TENM1: variants seen among roughly 807,000 people sequenced by gnomAD.
The protein encoded by TENM1 is teneurin transmembrane protein 1.
Under a neutral mutation model 174.8 loss-of-function variants are expected in TENM1, and 35 were observed. The observed-to-expected ratio is 0.20, with a 90% CI of 0.15 to 0.27. The LOEUF is 0.27. Ranked by LOEUF, TENM1 falls within the 10% of genes least tolerant of loss-of-function variation. The pLI is 1.00. For missense variants in TENM1, 1,633 were observed against 2,130.1 expected, an observed-to-expected ratio of 0.77 and a Z score of 4.59; for synonymous variants, 781 against 798.7, an observed-to-expected ratio of 0.98 and a Z score of 0.37.
chrX:124,448,978 T>A (rs1269264392), intron 23 of TENM1, among the ~76,000 whole-genome samples: 1 of 111,494 alleles, frequency 9.0e-6, no homozygotes, highest in Non-Finnish European at 1.9e-5. Flanking sequence ...GGTGATAATC[T>A]GGACACTAAT....
intron 3 of TENM1, among the ~76,000 whole-genome samples, chrX:124,757,476 C>A (rs2054290184): frequency 8.9e-6 from 1 of 112,714 alleles, no homozygotes; most frequent in African/African-American, 3.2e-5. Context: ...CGTGCTTCGG[C>A]TCGCACACGG....
intron 3 of TENM1, among the ~76,000 whole-genome samples, chrX:124,762,915 C>G (rs1173955404): frequency 2.7e-5 from 3 of 111,140 alleles, no homozygotes; most frequent in African/African-American, 9.8e-5. Flanking sequence ...ATGCTGTAGT[C>G]TTTACTGTGT....
chrX:125,160,607 A>G, the TENM1 span, among the ~76,000 whole-genome samples: 1 of 106,499 alleles, frequency 9.4e-6, no homozygotes, highest in African/African-American at 3.4e-5. Context: ...AATTGGGTAC[A>G]ATAGCCCACA....
intron 5 of TENM1, among the ~76,000 whole-genome samples, chrX:124,685,987 T>C (rs773460606): frequency 8.9e-6 from 1 of 112,167 alleles, no homozygotes; most frequent in Admixed American, 9.5e-5. Context: ...AAAATCCAGA[T>C]GCAAGAAGCC....
At chrX:124,750,518 A>T (rs2054037830) in intron 3 of TENM1, among the ~76,000 whole-genome samples, 1 of 111,736 alleles carries the variant, frequency 8.9e-6, no homozygotes, top group African/African-American at 3.2e-5. Context: ...AGTCTCTCTT[A>T]TTTTACATTC....
the TENM1 span, among the ~76,000 whole-genome samples, chrX:124,997,767 G>A: frequency 0.012 from 1,280 of 110,607 alleles, 18 homozygotes; most frequent in African/African-American, 0.04. Context: ...AGGAGACACA[G>A]AGGAGACCTG....
rs1468223378 is a variant in TENM1, at chrX:124,465,715, C to CT, written c.3950-12225dup. 8.3e-5 allele frequency among the ~76,000 whole-genome samples: 9 copies of CT among 109,059 alleles called. No individual in the cohort carries two copies. The South Asian group carries it at 1.6e-3, about 19-fold the overall frequency. The allele number at this position is 109,059 out of a possible 115,157, so 94.7% of individuals were successfully genotyped here. A position where few individuals can be genotyped will look rare whatever the true frequency, so the allele number is the denominator to read the frequency against. On this transcript the variant is annotated intron_variant, in intron 22 of 31. Coordinates refer to ENST00000422452, the Ensembl canonical transcript of TENM1. Reference sequence around the variant, plus strand: ...CTTCTTCCCTGTTCTCATTTTCCCCCTTTTTTTTTCTCTCCAAACCCCAAC... The same window carrying CT: ...CTTCTTCCCTGTTCTCATTTTCCCCCTTTTTTTTTTCTCTCCAAACCCCAAC...
intron 1 of TENM1, among the ~76,000 whole-genome samples, chrX:124,929,773 C>G (rs2058143164): frequency 2.7e-5 from 3 of 111,866 alleles, no homozygotes; most frequent in African/African-American, 9.8e-5. Context: ...CTATGGATTA[C>G]AAATTTGTGG....
chrX:124,941,650 CA>C lies in TENM1; in HGVS notation c.217+21886del, dbSNP rs779586038. Among the ~76,000 whole-genome samples, 11 of 111,573 alleles carry C rather than the reference CA, an allele frequency of 9.9e-5. No homozygotes were observed. In the Admixed American group the frequency reaches 1.0e-3, roughly 11 times the overall value. On this transcript the variant is annotated intron_variant, in intron 1 of 31. Coordinates refer to ENST00000422452, the Ensembl canonical transcript of TENM1. ...AACTACAGCCCTGTGAAGTCACGTT[CA>C]AAAGAGAATCATTATTTTTCCCCCT... is the stretch of plus-strand genomic sequence containing the variant.
chrX:125,188,784 G>A, the TENM1 span, among the ~76,000 whole-genome samples: 3 of 111,958 alleles, frequency 2.7e-5, no homozygotes, highest in Non-Finnish European at 5.6e-5. Context: ...TGGTGCTCTT[G>A]ATTAGTTGCA....
exon 32 of TENM1, chrX:124,380,778 C>G: frequency 8.3e-7 from 1 of 1,211,717 alleles, no homozygotes; most frequent in Non-Finnish European, 1.1e-6. Context: ...ATCTCCAACA[C>G]GTGATTCTTT....
chrX:124,824,951 T>C (rs1273067959), intron 3 of TENM1, among the ~76,000 whole-genome samples: 1 of 110,732 alleles, frequency 9.0e-6, no homozygotes, highest in Non-Finnish European at 1.9e-5. Context: ...AAATCTTGCC[T>C]TACCAAAAAT....
intron 11 of TENM1, among the ~76,000 whole-genome samples, chrX:124,635,306 A>G (rs1014639915): frequency 1.8e-5 from 2 of 112,356 alleles, no homozygotes; most frequent in Admixed American, 9.4e-5. Context: ...TTTCTGATGG[A>G]CAAGGTGGAC....
At chrX:124,391,419 C>T (rs2060280453) in intron 28 of TENM1, among the ~76,000 whole-genome samples, 1 of 111,356 alleles carries the variant, frequency 9.0e-6, no homozygotes, top group Admixed American at 9.6e-5. Flanking sequence ...CCATTTTGCT[C>T]TGTAGGGGCT....
rs750028215 is a variant in TENM1 at position 124,529,048 on chromosome X, G to A, written c.2771+816C>T. Among the ~76,000 whole-genome samples, 7 of 111,164 alleles carry A rather than the reference G, an allele frequency of 6.3e-5. No homozygotes were observed. The East Asian group carries it at 8.4e-4, about 13-fold the overall frequency. The stretch of plus-strand genomic sequence containing the variant: ...GTGTGATAAAGCTCGAAGCCAACAG[G>A]TCTTTTTTTGCGTATGATTATTGAA... On this transcript the variant is annotated intron_variant, in intron 16 of 31. Transcript: ENST00000422452.
the TENM1 span, among the ~76,000 whole-genome samples, chrX:125,149,937 T>A: frequency 9.0e-6 from 1 of 111,653 alleles, no homozygotes; most frequent in African/African-American, 3.3e-5. Flanking sequence ...ACGTTCTAAT[T>A]TTGGAGCCTA....
the TENM1 span, among the ~76,000 whole-genome samples, chrX:125,093,741 T>C: frequency 4.5e-5 from 5 of 112,001 alleles, no homozygotes; most frequent in African/African-American, 1.6e-4. Flanking sequence ...TCCCAGTTCT[T>C]TTTTTATTGT....
chrX:125,127,613 C>T, the TENM1 span, among the ~76,000 whole-genome samples: 1 of 111,225 alleles, frequency 9.0e-6, no homozygotes, highest in Non-Finnish European at 1.9e-5. Flanking sequence ...CAACATGGTA[C>T]ATTGGAGAGG....
At chrX:125,021,291 TC>T in the TENM1 span, among the ~76,000 whole-genome samples, 6 of 109,548 alleles carry the variant, frequency 5.5e-5, no homozygotes, top group African/African-American at 2.0e-4. Context: ...TACCCTTTTT[TC>T]AGTAAAGATT....
Sources: gnomAD v4.1 joint callset for allele counts (sites outside exome capture counted in the v4.1 genomes callset) on GRCh38, gnomAD v4.1.1 for gene constraint, MANE v1.5 for transcripts, NCBI Gene and HGNC (gene_info 2026-07-23, HGNC 2026-07-21) for gene names.